STX16: variants seen among roughly 807,000 people sequenced by gnomAD.
STX16 encodes syntaxin-16.
Under a neutral mutation model 42.7 loss-of-function variants are expected in STX16, and 28 were observed. That is an observed-to-expected ratio of 0.66 (90% CI 0.49 to 0.90). The LOEUF is 0.90. Ranked by LOEUF, STX16 falls within the 40% of genes least tolerant of loss-of-function variation. The pLI is 0.00. For synonymous variants in STX16, 156 were observed against 155.2 expected (o/e 1.00, Z -0.04); for missense variants, 361 against 420.9 (o/e 0.86, Z 1.24).
chr20:58,652,151 G>T lies in STX16; in HGVS notation c.132+13G>T. ...TAGCATTGCTGCGGTGAGTCTCCTG[G>T]CGGCCTCTCCGACACACGGACCGTG... On this transcript the variant is annotated intron_variant, in intron 1 of 8. Coordinates refer to ENST00000371141, the MANE Select transcript of STX16 (RefSeq NM_001001433.3). The T allele has an allele frequency of 6.2e-7, 1 of 1,613,106 alleles. No individual in the cohort carries two copies. The highest frequency in any genetic ancestry group is 8.5e-7 in the Non-Finnish European group (1 of 1,179,876).
rs2083459850 is a variant in STX16, at chr20:58,651,735, A to T, written c.-272A>T. On this transcript the variant is annotated 5_prime_UTR_variant, in exon 1 of 9. Coordinates refer to ENST00000371141, the MANE Select transcript of STX16 (RefSeq NM_001001433.3). ...GGGGTCTCTGGGACGTTGGATCGCTACGCAAGGATTGGGGGGATTCAAGTG... is the reference window on the plus strand; with the variant it reads ...GGGGTCTCTGGGACGTTGGATCGCTTCGCAAGGATTGGGGGGATTCAAGTG... 2.8e-6 allele frequency: 1 copy of T among 362,546 alleles called. No individual in the cohort carries two copies. The highest frequency in any genetic ancestry group is 5.2e-6 in the Non-Finnish European group (1 of 193,376). 22.5% of individuals were successfully genotyped at this position (362,546 alleles called of 1,614,324 possible).
intron 4 of STX16, 54 bp downstream of exon 4, chr20:58,668,181 T>C (rs1601030415): frequency 6.2e-7 from 1 of 1,601,830 alleles, no homozygotes; most frequent in East Asian, 2.2e-5. Context: ...CATGGCAATC[T>C]CAGAAACTAG....
At chr20:58,658,998 G>C (rs1385260234) in intron 1 of STX16, among the ~76,000 whole-genome samples, 1 of 152,112 alleles carries the variant, frequency 6.6e-6, no homozygotes, top group Non-Finnish European at 1.5e-5. Flanking sequence ...TCTCTCTCCG[G>C]GAAAGAGTGG....
At chr20:58,654,375 G>A (rs2083541502) in intron 1 of STX16, among the ~76,000 whole-genome samples, 1 of 152,136 alleles carries the variant, frequency 6.6e-6, no homozygotes, top group Admixed American at 6.5e-5. Context: ...AAAATGGCAT[G>A]TCATAAATTT....
At position 58,676,475 on chromosome 20, in the gene STX16, T is replaced by C; in HGVS notation, c.*184T>C. Reference sequence around the variant, plus strand: ...CTGCTCAAGCGGTCCGGGGAATGGGTTTTTGTTTTTCCTTCATTGTTGAGA... The same window carrying C: ...CTGCTCAAGCGGTCCGGGGAATGGGCTTTTGTTTTTCCTTCATTGTTGAGA... On this transcript the variant is annotated 3_prime_UTR_variant, in exon 9 of 9. Coordinates refer to ENST00000371141, the MANE Select transcript of STX16 (RefSeq NM_001001433.3). 1 of 576,370 alleles carries C rather than the reference T, an allele frequency of 1.7e-6. No individual in the cohort carries two copies. The highest frequency in any genetic ancestry group is 3.1e-6 in the Non-Finnish European group (1 of 323,090). The allele number at this position is 576,370 out of a possible 1,614,324, so 35.7% of individuals were successfully genotyped here.
chr20:58,670,616 G>A lies in STX16; in HGVS notation c.648+13G>A. On this transcript the variant is annotated intron_variant, in intron 6 of 8. Coordinates refer to ENST00000371141, the MANE Select transcript of STX16 (RefSeq NM_001001433.3). ...TCTTTACCATCGGGTACGTGAACGGGCTGCAAAGCTGATTGCTGTGTCTGT... is the reference window on the plus strand; with the variant it reads ...TCTTTACCATCGGGTACGTGAACGGACTGCAAAGCTGATTGCTGTGTCTGT... 1 of 1,608,338 alleles carries A rather than the reference G, an allele frequency of 6.2e-7. No homozygotes were observed.
intron 1 of STX16, among the ~76,000 whole-genome samples, chr20:58,652,853 G>A (rs905373274): frequency 5.3e-5 from 8 of 151,468 alleles, no homozygotes; most frequent in Admixed American, 3.3e-4. Flanking sequence ...AATTAACCCC[G>A]TAAAATAGCA....
chr20:58,670,690 G>T, intron 6 of STX16, 87 bp downstream of exon 6: 1 of 1,093,482 alleles, frequency 9.1e-7, no homozygotes, highest in Non-Finnish European at 1.4e-6. Context: ...CTTCTGTGCA[G>T]TGTCAGTGGA....
chr20:58,664,480 C>T (rs1396506385), intron 2 of STX16, among the ~76,000 whole-genome samples: 2 of 152,230 alleles, frequency 1.3e-5, no homozygotes, highest in African/African-American at 4.8e-5. Flanking sequence ...ACTGGCAAAA[C>T]TCTGATACAA....
chr20:58,666,091 C>G (rs898512156), intron 2 of STX16, among the ~76,000 whole-genome samples: 1 of 151,826 alleles, frequency 6.6e-6, no homozygotes, highest in Non-Finnish European at 1.5e-5. Flanking sequence ...TTGTCTTGTT[C>G]CTTTATTATT....
chr20:58,660,713 CTT>C (rs10706096), intron 2 of STX16, among the ~76,000 whole-genome samples: 1,410 of 70,630 alleles, frequency 0.02, 14 homozygotes, highest in South Asian at 0.047. Context: ...ATTCCTGCTC[CTT>C]TTTTTTTTTT....
intron 1 of STX16, 55 bp from the exon 2 acceptor site, chr20:58,659,568 T>A (rs1347759701): frequency 2.5e-6 from 4 of 1,591,442 alleles, no homozygotes; most frequent in Non-Finnish European, 3.4e-6. Context: ...CCATGCTGCT[T>A]TCTTTGTGCT....
At chr20:58,659,425 C>T (rs1177700895) in intron 1 of STX16, among the ~76,000 whole-genome samples, 198 bp from the exon 2 acceptor site, 3 of 151,318 alleles carry the variant, frequency 2.0e-5, no homozygotes, top group Non-Finnish European at 4.4e-5. Context: ...AAAATTAAAG[C>T]ATATATTGAT....
At chr20:58,658,143 T>C (rs940518939) in intron 1 of STX16, among the ~76,000 whole-genome samples, 2 of 152,184 alleles carry the variant, frequency 1.3e-5, no homozygotes, top group South Asian at 2.1e-4. Context: ...CATAGGCACA[T>C]GTGCAGCAGA....
chr20:58,674,255 G>A (rs879311386), intron 8 of STX16, among the ~76,000 whole-genome samples: 30 of 152,142 alleles, frequency 2.0e-4, no homozygotes, highest in Admixed American at 1.9e-3. Context: ...CTTTTATTCT[G>A]TGCTAATAAG....
At position 58,664,110 on chromosome 20, in the gene STX16, A is replaced by G. The variant is rs148026441; in HGVS notation, c.145-3380A>G. Among the ~76,000 whole-genome samples the G allele has an allele frequency of 3.9e-3, 592 of 152,348 alleles. 3 individuals are homozygous for G. Among genetic ancestry groups the G allele is most frequent in the African/African-American group, 0.014 (563 of 41,584 alleles). On this transcript the variant is annotated intron_variant, in intron 2 of 8. Coordinates refer to ENST00000371141, the MANE Select transcript of STX16 (RefSeq NM_001001433.3). ...GATGGCAGCTTGAAAATTGATACAT[A>G]TGCTGGATCTTCAACAATAAGAAGA... is the stretch of plus-strand genomic sequence containing the variant.
intron 6 of STX16, 30 bp from the exon 7 acceptor site, chr20:58,671,124 T>C: frequency 6.4e-7 from 1 of 1,568,402 alleles, no homozygotes; most frequent in Non-Finnish European, 8.7e-7. Flanking sequence ...GAAAACAATC[T>C]ATCCAACACA....
At chr20:58,668,719 C>T (rs1011608579) in intron 4 of STX16, among the ~76,000 whole-genome samples, 15 of 151,740 alleles carry the variant, frequency 9.9e-5, no homozygotes, top group East Asian at 3.9e-4. Flanking sequence ...CTAGTGTTCT[C>T]ATCTGTAAAA....
chr20:58,652,284 G>A, intron 1 of STX16, 146 bp downstream of exon 1: 1 of 1,225,056 alleles, frequency 8.2e-7, no homozygotes. Flanking sequence ...CTAGAGTCAG[G>A]GGGCATCTGT....
Sources: gnomAD v4.1 joint callset for allele counts (sites outside exome capture counted in the v4.1 genomes callset) on GRCh38, gnomAD v4.1.1 for gene constraint, MANE v1.5 for transcripts, NCBI Gene and HGNC (gene_info 2026-07-23, HGNC 2026-07-21) for gene names.